Variants in METTL21A observed in about 807,000 individuals in gnomAD.
METTL21A encodes methyltransferase 21A, HSPA lysine.
Under a neutral mutation model 20.9 loss-of-function variants are expected in METTL21A, and 22 were observed. The ratio of observed to expected loss-of-function variants is 1.05; its 90% CI spans 0.75 to 1.50. The LOEUF is 1.50. Ranked by LOEUF, METTL21A falls within the 40% of genes most tolerant of loss-of-function variation. The pLI is 0.00. For synonymous variants in METTL21A, 93 were observed against 102.0 expected (o/e 0.91, Z 0.53); for missense variants, 271 against 266.8 (o/e 1.02, Z -0.11).
chr2:207,593,945 C>T (rs189399146), intron 3 of METTL21A, among the ~76,000 whole-genome samples: 39 of 152,256 alleles, frequency 2.6e-4, no homozygotes, highest in Middle Eastern at 6.8e-3. Flanking sequence ...TCTCAAACTC[C>T]TGGCCTCAAG....
chr2:207,620,693 T>G (rs750855513), intron 3 of METTL21A: 15 of 1,533,958 alleles, frequency 9.8e-6, no homozygotes, highest in Non-Finnish European at 1.2e-5. Context: ...ATGACTTAAG[T>G]GCTGTGGTTG....
intron 2 of METTL21A, 132 bp downstream of exon 2, chr2:207,624,097 T>C (rs1163660792): frequency 3.2e-5 from 35 of 1,079,202 alleles, no homozygotes; most frequent in Middle Eastern, 2.6e-4. Context: ...CCGCACTGAA[T>C]TGTGCACTTT....
intron 3 of METTL21A, among the ~76,000 whole-genome samples, chr2:207,614,566 C>T (rs1452109095): frequency 1.3e-5 from 2 of 152,102 alleles, no homozygotes; most frequent in Admixed American, 6.5e-5. Context: ...ACATGTTTTA[C>T]GTATTTCTTG....
At chr2:207,590,036 A>C (rs2084670207) in intron 3 of METTL21A, among the ~76,000 whole-genome samples, 1 of 149,272 alleles carries the variant, frequency 6.7e-6, no homozygotes, top group South Asian at 2.1e-4. Flanking sequence ...TGGTTGGTAG[A>C]ATTTGCCAGT....
intron 3 of METTL21A, 47 bp from the exon 4 acceptor site, chr2:207,613,490 C>G: frequency 6.6e-7 from 1 of 1,508,480 alleles, no homozygotes; most frequent in Non-Finnish European, 8.8e-7. Flanking sequence ...CAGTACAATT[C>G]TGTTAGGTAG....
intron 2 of METTL21A, among the ~76,000 whole-genome samples, chr2:207,622,943 T>C (rs2090672588): frequency 6.6e-6 from 1 of 151,958 alleles, no homozygotes; most frequent in Non-Finnish European, 1.5e-5. Context: ...AGTCTCACTC[T>C]GTCACCCAGG....
At chr2:207,586,107 T>C (rs996499365) in intron 3 of METTL21A, among the ~76,000 whole-genome samples, 7 of 152,172 alleles carry the variant, frequency 4.6e-5, no homozygotes, top group Non-Finnish European at 7.4e-5. Context: ...AAAATTCTTA[T>C]GGAACCAAAA....
chr2:207,620,810 G>A, intron 3 of METTL21A: 1 of 921,936 alleles, frequency 1.1e-6, no homozygotes, highest in Admixed American at 3.0e-5. Context: ...AAAAGAAATA[G>A]TGAAAAAGTA....
chr2:207,617,218 C>T (rs1048518420), intron 3 of METTL21A, among the ~76,000 whole-genome samples: 1 of 152,118 alleles, frequency 6.6e-6, no homozygotes, highest in African/African-American at 2.4e-5. Context: ...GCTAGAGATA[C>T]AAAGATGAGG....
chr2:207,596,442 T>C lies in METTL21A; in HGVS notation c.260-14282A>G, dbSNP rs566973072. On this transcript the variant is annotated intron_variant, in intron 3 of 3. Transcript: ENST00000425132. ...TTGTTTATGGAGTTGTTTTTTTGTT[T>C]GTTTCTTTGAGACGGAGTCTCACTC... is the stretch of plus-strand genomic sequence containing the variant. 5.3e-5 allele frequency among the ~76,000 whole-genome samples: 8 copies of C among 152,364 alleles called. No individual in the cohort carries two copies. The South Asian group carries it at 1.7e-3, about 32-fold the overall frequency.
intron 1 of METTL21A, 34 bp downstream of exon 1, chr2:207,625,028 C>A (rs1323912627): frequency 6.6e-6 from 1 of 152,318 alleles, no homozygotes; most frequent in African/African-American, 2.4e-5. Flanking sequence ...TCGGAGGCCT[C>A]CCCGAACTCC....
downstream of METTL21A, chr2:207,612,043 A>T (rs1485360856): frequency 1.6e-3 from 5 of 3,224 alleles, 2 homozygotes; most frequent in Middle Eastern, 0.2. Context: ...TAAATTAATT[A>T]AAAAAAAAAA....
chr2:207,620,709 G>A lies in METTL21A; in HGVS notation c.259+1097C>T, dbSNP rs752341143. 210 of 1,531,216 alleles carry A rather than the reference G, an allele frequency of 1.4e-4. No individual in the cohort carries two copies. In the African/African-American group the frequency reaches 2.0e-3, roughly 14 times the overall value. The allele number at this position is 1,531,216 out of a possible 1,614,324, so 94.9% of individuals were successfully genotyped here. A position where few individuals can be genotyped will look rare whatever the true frequency, so the allele number is the denominator to read the frequency against. ...TGACTTAAGTGCTGTGGTTGAAGAC[G>A]GACGGAAACCTCTGTCAATTTACAC... is the stretch of plus-strand genomic sequence containing the variant. On this transcript the variant is annotated intron_variant, in intron 3 of 3. Coordinates refer to ENST00000406927, the Ensembl canonical transcript of METTL21A.
At chr2:207,587,698 A>T (rs1374956988) in intron 3 of METTL21A, among the ~76,000 whole-genome samples, 1 of 152,248 alleles carries the variant, frequency 6.6e-6, no homozygotes, top group Non-Finnish European at 1.5e-5. Flanking sequence ...AAACATGGAA[A>T]GATAAATACC....
chr2:207,613,010 A>G (rs759915037), exon 4 of METTL21A: 11 of 1,516,130 alleles, frequency 7.3e-6, no homozygotes, highest in Admixed American at 6.8e-5. Flanking sequence ...CTTAAGTGAC[A>G]CACTCAATGA....
At chr2:207,617,172 A>C (rs924422529) in intron 3 of METTL21A, among the ~76,000 whole-genome samples, 2 of 152,254 alleles carry the variant, frequency 1.3e-5, no homozygotes, top group Admixed American at 6.5e-5. Flanking sequence ...GTTTTATAAC[A>C]CCTTATTTAT....
chr2:207,620,153 A>T (rs1185683692), intron 3 of METTL21A, among the ~76,000 whole-genome samples: 1 of 152,166 alleles, frequency 6.6e-6, no homozygotes, highest in Non-Finnish European at 1.5e-5. Flanking sequence ...TACAGAAAAA[A>T]ATAAAACAGG....
chr2:207,621,834 C>T (rs2090511254), exon 3 of METTL21A: 1 of 1,614,082 alleles, frequency 6.2e-7, no homozygotes, highest in African/African-American at 1.3e-5. Flanking sequence ...TGCCCACCAG[C>T]CCCGTGCCAG....
intron 3 of METTL21A, among the ~76,000 whole-genome samples, chr2:207,616,117 G>T (rs897692725): frequency 6.6e-6 from 1 of 151,482 alleles, no homozygotes; most frequent in Non-Finnish European, 1.5e-5. Context: ...TTTGTCATGT[G>T]AGCAATGAGC....
Sources: allele counts gnomAD v4.1 joint callset (sites outside exome capture counted in the v4.1 genomes callset), GRCh38; gene constraint gnomAD v4.1.1; transcripts MANE v1.5; gene names NCBI Gene and HGNC (gene_info 2026-07-23, HGNC 2026-07-21).